BMPR1A: variants seen among roughly 807,000 people sequenced by gnomAD.
BMPR1A encodes the protein bone morphogenetic protein receptor type-1A.
In BMPR1A, 7 loss-of-function variants were observed where a neutral mutation model predicts 66.0. The ratio of observed to expected loss-of-function variants is 0.11; its 90% CI spans 0.06 to 0.20. The LOEUF is 0.20. BMPR1A is among the 10% of genes least tolerant of loss of function. The pLI is 1.00. For synonymous variants in BMPR1A, 200 were observed against 229.7 expected (o/e 0.87, Z 1.17); for missense variants, 408 against 669.1 (o/e 0.61, Z 4.31).
At chr10:86,801,617 A>G (rs1243431608) in intron 1 of BMPR1A, among the ~76,000 whole-genome samples, 1 of 152,156 alleles carries the variant, frequency 6.6e-6, no homozygotes, top group Non-Finnish European at 1.5e-5. Context: ...ATTCCCTTAA[A>G]AAAAGTCAGC....
At chr10:86,878,308 C>T (rs1326431937) in intron 3 of BMPR1A, among the ~76,000 whole-genome samples, 1 of 152,056 alleles carries the variant, frequency 6.6e-6, no homozygotes, top group African/African-American at 2.4e-5. Flanking sequence ...GATTTAAGTG[C>T]TTTACATTGA....
intron 3 of BMPR1A, among the ~76,000 whole-genome samples, chr10:86,885,476 A>C (rs1354234334): frequency 6.6e-6 from 1 of 152,216 alleles, no homozygotes; most frequent in Non-Finnish European, 1.5e-5. Context: ...GCTTTTGAGC[A>C]CTTGAGTTGT....
rs577395608 is a variant in BMPR1A at position 86,927,696 on chromosome 10, TG to T, written c.*3978del. The stretch of plus-strand genomic sequence containing the variant: ...GTCCTGGCCCATTTAAAAACTAAAA[TG>T]TAGTATATATTGTATAAAATGGAAA... On this transcript the variant is annotated 3_prime_UTR_variant, in exon 13 of 13. Coordinates refer to ENST00000372037, the MANE Select transcript of BMPR1A (RefSeq NM_004329.3). 4.5e-4 allele frequency: 90 copies of T among 198,602 alleles called. No homozygotes were observed. The highest frequency in any genetic ancestry group is 7.9e-4 in the Non-Finnish European group (76 of 96,256). The allele number at this position is 198,602 out of a possible 1,614,324, so 12.3% of individuals were successfully genotyped here. A position where few individuals can be genotyped will look rare whatever the true frequency, so the allele number is the denominator to read the frequency against.
intron 1 of BMPR1A, among the ~76,000 whole-genome samples, chr10:86,768,700 G>A (rs563280181): frequency 1.2e-4 from 19 of 152,252 alleles, no homozygotes; most frequent in African/African-American, 3.9e-4. Flanking sequence ...TAACTAAAAA[G>A]GTTAATTAAA....
chr10:86,859,500 G>A (rs1842685877), intron 2 of BMPR1A, among the ~76,000 whole-genome samples: 1 of 152,010 alleles, frequency 6.6e-6, no homozygotes, highest in Admixed American at 6.6e-5. Context: ...ATGTTTGCCT[G>A]CAATATGAAG....
chr10:86,837,199 C>A (rs1335599754), intron 1 of BMPR1A, among the ~76,000 whole-genome samples: 1 of 145,840 alleles, frequency 6.9e-6, no homozygotes. Context: ...TATAATGATA[C>A]ATTGGAAATA....
intron 1 of BMPR1A, among the ~76,000 whole-genome samples, chr10:86,812,855 T>C (rs1466846155): frequency 6.6e-6 from 1 of 152,178 alleles, no homozygotes; most frequent in Non-Finnish European, 1.5e-5. Flanking sequence ...CTTGGTGTTG[T>C]ACATTATATG....
At chr10:86,842,022 G>A (rs1304645441) in intron 2 of BMPR1A, among the ~76,000 whole-genome samples, 2 of 152,222 alleles carry the variant, frequency 1.3e-5, no homozygotes, top group Middle Eastern at 3.4e-3. Context: ...TCTGTCAGCC[G>A]CTCTAAGCAA....
At chr10:86,811,425 TTCTAAG>T in intron 1 of BMPR1A, among the ~76,000 whole-genome samples, 1 of 152,232 alleles carries the variant, frequency 6.6e-6, no homozygotes. Flanking sequence ...TTAATATGTC[TTCTAAG>T]TCTGTTTTAA....
intron 5 of BMPR1A, among the ~76,000 whole-genome samples, chr10:86,897,866 A>T (rs889131978): frequency 6.6e-6 from 1 of 152,170 alleles, no homozygotes; most frequent in African/African-American, 2.4e-5. Context: ...TCAGCTTCCC[A>T]AAGTGCTAGG....
chr10:86,873,646 T>G (rs559841488), intron 2 of BMPR1A, among the ~76,000 whole-genome samples: 48 of 151,980 alleles, frequency 3.2e-4, no homozygotes, highest in Admixed American at 1.2e-3. Flanking sequence ...AGTAGAAATA[T>G]TTAGTGGGAA....
intron 2 of BMPR1A, among the ~76,000 whole-genome samples, chr10:86,869,629 T>C (rs866800228): frequency 6.6e-6 from 1 of 151,992 alleles, no homozygotes; most frequent in Non-Finnish European, 1.5e-5. Context: ...TGATGGCGCA[T>C]GCCTGTAATC....
At chr10:86,798,461 C>T (rs1171573375) in intron 1 of BMPR1A, among the ~76,000 whole-genome samples, 4 of 152,002 alleles carry the variant, frequency 2.6e-5, no homozygotes, top group Non-Finnish European at 5.9e-5. Context: ...AACTTAAATC[C>T]TGATGAGGGT....
rs1272609874 is a variant in BMPR1A at position 86,927,759 on chromosome 10, G to T, written c.*4040G>T. ...CTTCATTAGGGGAAACTGTACATAG[G>T]CATTGAAAGAAGGGTAAAAGCAAGC... On this transcript the variant is annotated 3_prime_UTR_variant, in exon 13 of 13. Coordinates refer to ENST00000372037, the MANE Select transcript of BMPR1A (RefSeq NM_004329.3). 2 of 198,294 alleles carry T rather than the reference G, an allele frequency of 1.0e-5. No homozygotes were observed. The highest frequency in any genetic ancestry group is 2.1e-5 in the Non-Finnish European group (2 of 96,194). The allele number at this position is 198,294 out of a possible 1,614,324, so 12.3% of individuals were successfully genotyped here.
intron 1 of BMPR1A, among the ~76,000 whole-genome samples, chr10:86,769,896 A>T (rs896196495): frequency 6.0e-5 from 9 of 149,960 alleles, no homozygotes; most frequent in Admixed American, 5.3e-4. Context: ...GAGGGGTGGC[A>T]GTGACCTTCT....
chr10:86,807,488 C>T (rs1564691172), intron 1 of BMPR1A, among the ~76,000 whole-genome samples: 1 of 151,352 alleles, frequency 6.6e-6, no homozygotes, highest in African/African-American at 2.4e-5. Flanking sequence ...TCAAGCGGTC[C>T]TCCTGCCTCA....
intron 2 of BMPR1A, among the ~76,000 whole-genome samples, chr10:86,849,522 C>T (rs1459003425): frequency 6.6e-6 from 1 of 152,238 alleles, no homozygotes; most frequent in Admixed American, 6.5e-5. Context: ...TTTCGATAGT[C>T]TACCAGTAAC....
chr10:86,902,060 A>T (rs966395779), intron 7 of BMPR1A, among the ~76,000 whole-genome samples: 4 of 152,184 alleles, frequency 2.6e-5, no homozygotes, highest in African/African-American at 9.6e-5. Context: ...GGGTTTCACC[A>T]TGTTGACCAG....
chr10:86,777,202 C>T (rs74352942), intron 1 of BMPR1A, among the ~76,000 whole-genome samples: 7 of 152,208 alleles, frequency 4.6e-5, no homozygotes, highest in African/African-American at 1.7e-4. Context: ...TAGAGAAACC[C>T]CAGTTTCTCT....
Sources: gnomAD v4.1 joint callset for allele counts (sites outside exome capture counted in the v4.1 genomes callset) on GRCh38, gnomAD v4.1.1 for gene constraint, MANE v1.5 for transcripts, NCBI Gene and HGNC (gene_info 2026-07-23, HGNC 2026-07-21) for gene names.